The following ENTREP3 variants were observed in gnomAD, a reference collection of about 807,000 sequenced individuals.
ENTREP3 encodes the protein protein ENTREP3.
the ENTREP3 span, chr1:155,254,190 G>C: frequency 6.2e-7 from 1 of 1,612,862 alleles, no homozygotes; most frequent in African/African-American, 1.3e-5. The surrounding 1 kb of genome is among the most constrained non-coding windows in gnomAD (Gnocchi z 4.4). Flanking sequence ...GGAGAAGAAG[G>C]AGATCTGGGG....
the ENTREP3 span, chr1:155,254,546 G>A: frequency 6.4e-7 from 1 of 1,569,342 alleles, no homozygotes; most frequent in Admixed American, 1.7e-5. This position sits in a 1 kb window ranked among gnomAD's most constrained non-coding sequence, Gnocchi z 4.4. Flanking sequence ...CTGTAAGGAG[G>A]CAGAGGACCA....
At chr1:155,248,083 G>A in the ENTREP3 span, 2 of 1,614,246 alleles carry the variant, frequency 1.2e-6, no homozygotes, top group Middle Eastern at 1.6e-4. Context: ...TCCCACTGGG[G>A]TCTGGGGCTT....
the ENTREP3 span, chr1:155,254,762 AG>A: frequency 1.7e-5 from 28 of 1,613,866 alleles, no homozygotes; most frequent in Admixed American, 3.3e-5. The surrounding 1 kb of genome is among the most constrained non-coding windows in gnomAD (Gnocchi z 4.4). Context: ...CACTTGGACC[AG>A]CCCCAGCGTA....
At chr1:155,250,654 G>C in the ENTREP3 span, 13 of 1,612,172 alleles carry the variant, frequency 8.1e-6, no homozygotes, top group Non-Finnish European at 1.1e-5. This position sits in a 1 kb window ranked among gnomAD's most constrained non-coding sequence, Gnocchi z 5.4. Flanking sequence ...CCACAGTCCA[G>C]GCTGAGGCAG....
the ENTREP3 span, chr1:155,251,113 C>T: frequency 6.2e-7 from 1 of 1,612,894 alleles, no homozygotes; most frequent in Non-Finnish European, 8.5e-7. Flanking sequence ...ATGGAGGCCA[C>T]TCGTTCACAG....
the ENTREP3 span, chr1:155,255,125 G>A: frequency 1.7e-6 from 1 of 584,528 alleles, no homozygotes; most frequent in African/African-American, 1.9e-5. This position sits in a 1 kb window ranked among gnomAD's most constrained non-coding sequence, Gnocchi z 5.6. Context: ...TGCCCGGGGC[G>A]ACGATGAGGA....
the ENTREP3 span, chr1:155,254,549 G>C: frequency 6.4e-7 from 1 of 1,568,182 alleles, no homozygotes; most frequent in Non-Finnish European, 8.8e-7. This position sits in a 1 kb window ranked among gnomAD's most constrained non-coding sequence, Gnocchi z 4.4. Context: ...TAAGGAGGCA[G>C]AGGACCAGGA....
chr1:155,254,168 C>T, the ENTREP3 span: 1 of 1,613,996 alleles, frequency 6.2e-7, no homozygotes, highest in Non-Finnish European at 8.5e-7. This position sits in a 1 kb window ranked among gnomAD's most constrained non-coding sequence, Gnocchi z 4.4. Context: ...TGACACAGAG[C>T]ACCGAAAGCA....
the ENTREP3 span, chr1:155,252,716 ATATATATTTTTTTTTTTTTT>A: frequency 4.4e-5 from 2 of 45,242 alleles, no homozygotes; most frequent in Non-Finnish European, 7.3e-5. Context: ...ATATATATAT[ATATATATTTTTTTTTTTTTT>A]TTTTTTTTTT....
the ENTREP3 span, chr1:155,248,303 C>G: frequency 6.2e-7 from 1 of 1,607,444 alleles, no homozygotes; most frequent in South Asian, 1.1e-5. Flanking sequence ...AGAGCAGAGC[C>G]CTGCAGAGAG....
the ENTREP3 span, chr1:155,247,871 G>T: frequency 6.5e-7 from 1 of 1,538,758 alleles, no homozygotes; most frequent in East Asian, 2.3e-5. Context: ...AGGAGACGCC[G>T]CAGGGAAGAG....
the ENTREP3 span, chr1:155,255,220 C>G: frequency 2.6e-6 from 1 of 388,960 alleles, no homozygotes; most frequent in South Asian, 3.6e-5. The surrounding 1 kb of genome is among the most constrained non-coding windows in gnomAD (Gnocchi z 5.6). Context: ...GGGCGGCGGC[C>G]TGGAGCCCAG....
chr1:155,251,281 A>T, the ENTREP3 span: 4 of 870,396 alleles, frequency 4.6e-6, no homozygotes, highest in Non-Finnish European at 5.3e-6. Context: ...CAAGTCACTT[A>T]ATTGTGCAGC....
At chr1:155,254,898 C>T in the ENTREP3 span, 9 of 1,537,384 alleles carry the variant, frequency 5.9e-6, no homozygotes, top group African/African-American at 9.6e-5. This position sits in a 1 kb window ranked among gnomAD's most constrained non-coding sequence, Gnocchi z 4.4. Flanking sequence ...CGGTTGCCTG[C>T]GCCTCGCTCG....
the ENTREP3 span, chr1:155,254,795 C>G: frequency 6.2e-7 from 1 of 1,612,576 alleles, no homozygotes; most frequent in Non-Finnish European, 8.5e-7. This position sits in a 1 kb window ranked among gnomAD's most constrained non-coding sequence, Gnocchi z 4.4. Context: ...CAGCCAGGGT[C>G]GGTGGAGGCG....
chr1:155,254,510 C>T, the ENTREP3 span: 2 of 1,599,020 alleles, frequency 1.3e-6, no homozygotes, highest in Non-Finnish European at 1.7e-6. The surrounding 1 kb of genome is among the most constrained non-coding windows in gnomAD (Gnocchi z 4.4). Context: ...CCTGAGTGAG[C>T]CCCTCACCAC....
the ENTREP3 span, chr1:155,255,013 G>A: frequency 1.4e-6 from 1 of 697,792 alleles, no homozygotes; most frequent in Non-Finnish European, 2.4e-6. The surrounding 1 kb of genome is among the most constrained non-coding windows in gnomAD (Gnocchi z 5.6). Flanking sequence ...GGTCCCCTGG[G>A]GCATGGCCGA....
the ENTREP3 span, chr1:155,253,320 C>A: frequency 3.4e-6 from 1 of 292,224 alleles, no homozygotes. Context: ...GCTGGGATTA[C>A]AGGAATGAGC....
chr1:155,250,950 A>G, the ENTREP3 span: 7 of 1,252,650 alleles, frequency 5.6e-6, no homozygotes, highest in Middle Eastern at 1.9e-4. The surrounding 1 kb of genome is among the most constrained non-coding windows in gnomAD (Gnocchi z 5.4). Flanking sequence ...GAGGAGAAAA[A>G]TAAGTCCAGG....
Sources: allele counts gnomAD v4.1 joint callset, GRCh38; gene constraint gnomAD v4.1.1; non-coding constraint Gnocchi (gnomAD v3.1); transcripts MANE v1.5; gene names NCBI Gene and HGNC (gene_info 2026-07-23, HGNC 2026-07-21).